Variants in PRR11 observed in about 807,000 individuals in gnomAD.
PRR11 encodes proline rich 11.
PRR11 carries 30 observed loss-of-function variants against 45.6 expected under a neutral mutation model. The observed-to-expected ratio is 0.66, with a 90% CI of 0.49 to 0.89. The LOEUF (loss-of-function observed/expected upper bound fraction) is 0.89, where lower values mean the gene tolerates loss of function less well. Among genes scored for constraint, PRR11 ranks in the 40% least tolerant of loss-of-function variants. The pLI, the probability that PRR11 is intolerant of heterozygous loss-of-function variation, is 0.00. For synonymous variants in PRR11, 128 were observed against 153.5 expected (o/e 0.83, Z 1.23); for missense variants, 373 against 424.8 (o/e 0.88, Z 1.07).
chr17:59,180,390 C>T (rs377205443), intron 2 of PRR11, among the ~76,000 whole-genome samples: 2 of 151,400 alleles, frequency 1.3e-5, no homozygotes, highest in East Asian at 1.9e-4. Context: ...CTTGGCCTCC[C>T]GAAGTGCTGG....
At chr17:59,173,423 G>A (rs1239194064) in intron 2 of PRR11, among the ~76,000 whole-genome samples, 1 of 152,172 alleles carries the variant, frequency 6.6e-6, no homozygotes, top group Admixed American at 6.5e-5. Flanking sequence ...CTTTGGGTCC[G>A]CACTGCCTTT....
At chr17:59,190,932 G>A (rs1436281852) in intron 4 of PRR11, among the ~76,000 whole-genome samples, 1 of 152,206 alleles carries the variant, frequency 6.6e-6, no homozygotes, top group Non-Finnish European at 1.5e-5. Context: ...AATGGCTACA[G>A]GTGAGGGCTA....
At chr17:59,181,908 G>T in intron 2 of PRR11, 2 of 1,201,334 alleles carry the variant, frequency 1.7e-6, no homozygotes, top group East Asian at 5.4e-5. Context: ...TCAACCCCAT[G>T]AGCCGCTCCT....
chr17:59,167,998 T>C (rs1010096465), intron 1 of PRR11, among the ~76,000 whole-genome samples: 1 of 152,120 alleles, frequency 6.6e-6, no homozygotes, highest in Admixed American at 6.5e-5. Flanking sequence ...ACCCAGCTCC[T>C]ATTCAAGATT....
intron 1 of PRR11, among the ~76,000 whole-genome samples, 166 bp downstream of exon 1, chr17:59,155,971 C>A (rs1157269075): frequency 2.0e-5 from 3 of 152,072 alleles, no homozygotes; most frequent in African/African-American, 7.2e-5. Flanking sequence ...AAGAAGTGCT[C>A]GGCCTGGCTT....
In PRR11 at chr17:59,159,812, A is replaced by C. The variant is rs184921410; in HGVS notation, c.-6+4007A>C. 8.7e-4 allele frequency among the ~76,000 whole-genome samples: 133 copies of C among 152,290 alleles called. 2 individuals are homozygous for C. Among genetic ancestry groups the C allele is most frequent in the African/African-American group, 3.0e-3 (125 of 41,560 alleles). On this transcript the variant is annotated intron_variant, in intron 1 of 9. Transcript: ENST00000262293. Reference sequence around the variant, plus strand: ...CACCTTAACCTAGCCCCTTCATCAAAGCTCAGCTTAGGCAAAACCTTTTCC... The same window carrying C: ...CACCTTAACCTAGCCCCTTCATCAACGCTCAGCTTAGGCAAAACCTTTTCC...
intron 2 of PRR11, among the ~76,000 whole-genome samples, chr17:59,179,321 G>C (rs2046767634): frequency 6.6e-6 from 1 of 152,084 alleles, no homozygotes; most frequent in African/African-American, 2.4e-5. Context: ...ACCCCGGCTG[G>C]AGTGCAGTGG....
Position 59,205,691 on chromosome 17 carries a change from C to A in PRR11, c.*4060C>A, listed in dbSNP as rs1253133964. Among the ~76,000 whole-genome samples, 1 of 147,724 alleles carries A rather than the reference C, an allele frequency of 6.8e-6. No homozygotes were observed. The highest frequency in any genetic ancestry group is 2.5e-5 in the African/African-American group (1 of 39,732). On this transcript the variant is annotated 3_prime_UTR_variant, in exon 10 of 10. Coordinates refer to ENST00000262293, the MANE Select transcript of PRR11 (RefSeq NM_018304.4). Reference sequence around the variant, plus strand: ...TCCAGCTTGAGCAACAAGAGCGAAACTGTCTCAAAAAAAAAAAAAAAGTAT... The same window carrying A: ...TCCAGCTTGAGCAACAAGAGCGAAAATGTCTCAAAAAAAAAAAAAAAGTAT...
rs538986435 is a variant in PRR11 at position 59,178,505 on chromosome 17, C to T, written c.129-6549C>T. ...GACAACCTCAAATCTTTGTCCCAGGCGAGGAAGCTTTTAATGACAGGATCC... is the reference window on the plus strand; with the variant it reads ...GACAACCTCAAATCTTTGTCCCAGGTGAGGAAGCTTTTAATGACAGGATCC... On this transcript the variant is annotated intron_variant, in intron 2 of 9. Coordinates refer to ENST00000262293, the MANE Select transcript of PRR11 (RefSeq NM_018304.4). 3.5e-4 allele frequency: 182 copies of T among 525,430 alleles called. 1 individual carries two copies. Among genetic ancestry groups the T allele is most frequent in the South Asian group, 2.4e-3 (174 of 72,384 alleles). 32.5% of individuals were successfully genotyped at this position (525,430 alleles called of 1,614,324 possible).
At chr17:59,181,682 C>T (rs1192798455) in intron 2 of PRR11, 19 of 1,546,934 alleles carry the variant, frequency 1.2e-5, no homozygotes, top group African/African-American at 2.7e-5. Flanking sequence ...TCAGATTGGT[C>T]CGACCACTCC....
At chr17:59,170,293 T>A (rs2046701234) in intron 2 of PRR11, among the ~76,000 whole-genome samples, 1 of 152,162 alleles carries the variant, frequency 6.6e-6, no homozygotes, top group South Asian at 2.1e-4. Context: ...GAATTTCAGA[T>A]AAACAATGAA....
intron 4 of PRR11, among the ~76,000 whole-genome samples, chr17:59,186,302 A>C (rs1293361553): frequency 6.6e-6 from 1 of 150,852 alleles, no homozygotes; most frequent in Non-Finnish European, 1.5e-5. Flanking sequence ...TATTTTCCAG[A>C]ATCACAGAGC....
At chr17:59,178,345 A>C (rs114157466) in intron 2 of PRR11, 6,062 of 409,704 alleles carry the variant, frequency 0.015, 374 homozygotes, top group African/African-American at 0.12. Context: ...AAAAGAAAAG[A>C]AGACTGTGGG....
chr17:59,192,371 T>G (rs1334320754), intron 4 of PRR11, among the ~76,000 whole-genome samples: 1 of 152,182 alleles, frequency 6.6e-6, no homozygotes, highest in Non-Finnish European at 1.5e-5. Flanking sequence ...CTTCAATTGT[T>G]TTCAACCACC....
At chr17:59,201,486 G>A (rs1410831242) in intron 9 of PRR11, 77 bp from the exon 10 acceptor site, 2 of 1,474,100 alleles carry the variant, frequency 1.4e-6, no homozygotes, top group African/African-American at 1.4e-5. Flanking sequence ...AAAATTCTGG[G>A]TTCTGTTGAG....
At chr17:59,157,060 G>C (rs2046628931) in intron 1 of PRR11, among the ~76,000 whole-genome samples, 1 of 152,132 alleles carries the variant, frequency 6.6e-6, no homozygotes. Flanking sequence ...CCATCTTTTA[G>C]CCATATGAAG....
rs1186110996 is a variant in PRR11, at chr17:59,179,043, G to A, written c.129-6011G>A. ...GAGATGGAGTCTCGCTCTGTGGGCC[G>A]GGCTGGAATGCAGTGGCATGATCTC... On this transcript the variant is annotated intron_variant, in intron 2 of 9. Transcript: ENST00000262293. Among the ~76,000 whole-genome samples, 6 of 152,012 alleles carry A rather than the reference G, an allele frequency of 3.9e-5. No homozygotes were observed. In the East Asian group the frequency reaches 1.2e-3, roughly 29 times the overall value.
At chr17:59,156,165 T>C (rs995076734) in intron 1 of PRR11, among the ~76,000 whole-genome samples, 2 of 152,218 alleles carry the variant, frequency 1.3e-5, no homozygotes, top group African/African-American at 4.8e-5. Flanking sequence ...CCAAATTTAC[T>C]AAATCAGAAT....
chr17:59,183,076 A>G (rs972059284), intron 2 of PRR11, among the ~76,000 whole-genome samples: 3 of 152,142 alleles, frequency 2.0e-5, no homozygotes, highest in Non-Finnish European at 4.4e-5. Context: ...GGAATCTCTG[A>G]TGTCATTGGT....
Sources: allele counts gnomAD v4.1 joint callset (sites outside exome capture counted in the v4.1 genomes callset), GRCh38; gene constraint gnomAD v4.1.1; transcripts MANE v1.5; gene names NCBI Gene and HGNC (gene_info 2026-07-23, HGNC 2026-07-21).